The following LARP4B variants were observed in gnomAD, a reference collection of about 807,000 sequenced individuals.
LARP4B encodes la-related protein 4B.
A neutral mutation model predicts 89.8 loss-of-function variants in LARP4B; 12 were observed. That is an observed-to-expected ratio of 0.13 (90% CI 0.09 to 0.22). The LOEUF (loss-of-function observed/expected upper bound fraction) is 0.22. Ranked by LOEUF, LARP4B falls within the 10% of genes least tolerant of loss-of-function variation. LARP4B has a pLI of 1.00. For missense variants in LARP4B, 757 were observed against 947.7 expected (o/e 0.80, Z 2.64); for synonymous variants, 367 against 363.3 (o/e 1.01, Z -0.12).
intron 3 of LARP4B, among the ~76,000 whole-genome samples, chr10:868,853 T>A (rs1312103824): frequency 6.6e-6 from 1 of 152,216 alleles, no homozygotes; most frequent in Non-Finnish European, 1.5e-5. Context: ...CTCCTTAATA[T>A]CAATACTTTT....
chr10:910,045 C>A (rs1236737125), intron 1 of LARP4B, among the ~76,000 whole-genome samples: 1 of 152,148 alleles, frequency 6.6e-6, no homozygotes, highest in East Asian at 1.9e-4. Flanking sequence ...TGTCATGCCT[C>A]CCGCCCCAGA....
At chr10:834,928 T>C (rs1391932598) in intron 8 of LARP4B, among the ~76,000 whole-genome samples, 4 of 151,716 alleles carry the variant, frequency 2.6e-5, no homozygotes, top group Non-Finnish European at 4.4e-5. Context: ...TAATCCCAGC[T>C]ACTCGGGAGG....
At chr10:836,198 A>G (rs113430950) in intron 8 of LARP4B, among the ~76,000 whole-genome samples, 5 of 152,262 alleles carry the variant, frequency 3.3e-5, no homozygotes, top group African/African-American at 1.2e-4. Flanking sequence ...ATCTTATTAT[A>G]AGGAGTCCTG....
intron 12 of LARP4B, 81 bp downstream of exon 12, chr10:825,683 A>T: frequency 1.1e-6 from 1 of 877,818 alleles, no homozygotes; most frequent in Non-Finnish European, 1.8e-6. Context: ...GAGCAGGACT[A>T]GTGATCAAAG....
the LARP4B span, chr10:973,105 A>C: frequency 3.9e-4 from 141 of 357,478 alleles, no homozygotes; most frequent in South Asian, 2.8e-3. Flanking sequence ...TTTCTTGCAG[A>C]GAGTAAAGGA....
At chr10:957,231 C>T in the LARP4B span, among the ~76,000 whole-genome samples, 1 of 151,916 alleles carries the variant, frequency 6.6e-6, no homozygotes, top group African/African-American at 2.4e-5. Context: ...GGCACAATCT[C>T]AGCTCACTGC....
At chr10:976,690 G>A in the LARP4B span, among the ~76,000 whole-genome samples, 10 of 146,024 alleles carry the variant, frequency 6.8e-5, no homozygotes, top group South Asian at 4.2e-4. Flanking sequence ...TGTGTGGCCC[G>A]GCCTAGTAGA....
intron 1 of LARP4B, among the ~76,000 whole-genome samples, chr10:889,099 A>C (rs1835944681): frequency 6.6e-6 from 1 of 152,150 alleles, no homozygotes; most frequent in African/African-American, 2.4e-5. Flanking sequence ...AATAAAAACA[A>C]AAATAAAAAA....
rs369669617 is a variant in LARP4B, at chr10:865,498, A to G, written c.142-1228T>C. ...CTGCTCCCTGGCCTTGTCCATTTCC[A>G]GGCACACTGACCTCCTTGCTGTCTC... is the stretch of plus-strand genomic sequence containing the variant. On this transcript the variant is annotated intron_variant, in intron 3 of 17. Coordinates refer to ENST00000316157, the MANE Select transcript of LARP4B (RefSeq NM_015155.3). Among the ~76,000 whole-genome samples the G allele has an allele frequency of 3.9e-4, 59 of 152,186 alleles. 1 individual carries two copies. In the South Asian group the frequency reaches 1.0e-2, roughly 26 times the overall value.
chr10:831,006 A>T (rs762617406), intron 8 of LARP4B, 29 bp from the exon 9 acceptor site: 2 of 879,858 alleles, frequency 2.3e-6, no homozygotes, highest in Admixed American at 4.8e-5. Flanking sequence ...TTAGAAATTA[A>T]TTCTCAACAA....
intron 1 of LARP4B, among the ~76,000 whole-genome samples, chr10:905,849 G>A (rs1836476934): frequency 6.6e-6 from 1 of 152,122 alleles, no homozygotes; most frequent in South Asian, 2.1e-4. Context: ...GCTTGCTGGT[G>A]GACAGGGAGG....
chr10:852,015 T>C (rs1021007919), intron 5 of LARP4B, among the ~76,000 whole-genome samples: 6 of 152,020 alleles, frequency 3.9e-5, no homozygotes, highest in African/African-American at 1.4e-4. Context: ...GAGTGAGCCA[T>C]GATGATGCTA....
rs534152308 is a variant in LARP4B at position 906,554 on chromosome 10, G to C, written c.-39-20794C>G. ...TGATCCTGGTGACAGGCCACGGTAT[G>C]TGTGCAAAGGAGTCTACCTCCTTGT... is the stretch of plus-strand genomic sequence containing the variant. On this transcript the variant is annotated intron_variant, in intron 1 of 17. Transcript: ENST00000316157. Among the ~76,000 whole-genome samples, 3 of 150,466 alleles carry C rather than the reference G, an allele frequency of 2.0e-5. No homozygotes were observed. The Admixed American group carries it at 2.0e-4, about 10-fold the overall frequency.
At chr10:927,069 T>G (rs943073183) in intron 1 of LARP4B, among the ~76,000 whole-genome samples, 5 of 151,526 alleles carry the variant, frequency 3.3e-5, no homozygotes, top group Non-Finnish European at 7.4e-5. Flanking sequence ...GTGTTAAACA[T>G]GAAATACTTT....
chr10:887,679 A>G (rs950815018), intron 1 of LARP4B, among the ~76,000 whole-genome samples: 1 of 151,912 alleles, frequency 6.6e-6, no homozygotes, highest in Non-Finnish European at 1.5e-5. Context: ...CCACTGCACT[A>G]CAGCCTGGGC....
rs1483842839 is a variant in LARP4B, at chr10:814,987, T to G, written c.1779A>C (p.Ser593=). ...GGGAGGGGGATCGCTCGTACGTTGC[T>G]GATACAGCACAAGAAGCCGGCACCG... is the stretch of plus-strand genomic sequence containing the variant. ...EPSVPASCAV[S]ATYERSPSPA... Residue 593 remains serine, a synonymous_variant, in exon 16 of 18, where the codon TCA becomes TCC. Coordinates refer to ENST00000316157, the MANE Select transcript of LARP4B (RefSeq NM_015155.3). The surrounding 1 kb of genome is among the most constrained non-coding windows in gnomAD (Gnocchi z 4.4). 6.2e-7 allele frequency: 1 copy of G among 1,608,216 alleles called. No homozygotes were observed. The highest frequency in any genetic ancestry group is 8.5e-7 in the Non-Finnish European group (1 of 1,176,296).
chr10:949,106 C>T, the LARP4B span, among the ~76,000 whole-genome samples: 148 of 152,092 alleles, frequency 9.7e-4, no homozygotes, highest in Non-Finnish European at 1.8e-3. Flanking sequence ...TACCATCTTA[C>T]ATCCCACCAG....
At chr10:936,677 G>A (rs934473882), upstream of LARP4B, among the ~76,000 whole-genome samples, 7 of 152,116 alleles carry the variant, frequency 4.6e-5, no homozygotes, top group African/African-American at 9.7e-5. Context: ...GAGCGAGATC[G>A]TGCCATTGCA....
the LARP4B span, among the ~76,000 whole-genome samples, chr10:962,863 C>A: frequency 6.6e-6 from 1 of 152,114 alleles, no homozygotes; most frequent in African/African-American, 2.4e-5. Flanking sequence ...TCAGTGAGCT[C>A]GGAAGACCAC....
Sources: allele counts gnomAD v4.1 joint callset (sites outside exome capture counted in the v4.1 genomes callset), GRCh38; gene constraint gnomAD v4.1.1; non-coding constraint Gnocchi (gnomAD v3.1); transcripts MANE v1.5; gene names NCBI Gene and HGNC (gene_info 2026-07-23, HGNC 2026-07-21).